The following NOS1AP variants were observed in gnomAD, a reference collection of about 807,000 sequenced individuals.
NOS1AP encodes nitric oxide synthase 1 adaptor protein, also known as carboxyl-terminal PDZ ligand of neuronal nitric oxide synthase protein.
A neutral mutation model predicts 56.2 loss-of-function variants in NOS1AP; 21 were observed. That is an observed-to-expected ratio of 0.37 (90% CI 0.26 to 0.54). The LOEUF (loss-of-function observed/expected upper bound fraction) is 0.54. Ranked by LOEUF, NOS1AP falls within the 20% of genes least tolerant of loss-of-function variation. NOS1AP has a pLI of 0.84. For synonymous variants in NOS1AP, 270 were observed against 274.6 expected, an observed-to-expected ratio of 0.98 and a Z score of 0.17; for missense variants, 522 against 657.8, an observed-to-expected ratio of 0.79 and a Z score of 2.26.
chr1:162,264,469 C>CCTCTCCTCTCCTCTCCTCTCCTGT (rs373124349), intron 2 of NOS1AP, among the ~76,000 whole-genome samples: 3 of 31,848 alleles, frequency 9.4e-5, no homozygotes, highest in African/African-American at 5.9e-4. Context: ...TCTTCTCCTC[C>CCTCTCCTCTCCTCTCCTCTCCTGT]CCTCCCCTCC....
intron 2 of NOS1AP, among the ~76,000 whole-genome samples, chr1:162,182,257 C>G (rs1408562650): frequency 2.0e-5 from 3 of 152,142 alleles, no homozygotes; most frequent in Non-Finnish European, 4.4e-5. Flanking sequence ...TGTCATTGAA[C>G]CTTATAATCG....
intron 2 of NOS1AP, among the ~76,000 whole-genome samples, chr1:162,190,483 T>C (rs1384706750): frequency 2.0e-5 from 3 of 152,216 alleles, no homozygotes; most frequent in African/African-American, 7.2e-5. Context: ...TTTATTTATT[T>C]TTAATTGACA....
chr1:162,297,410 G>A (rs1047381316), intron 3 of NOS1AP, among the ~76,000 whole-genome samples: 1 of 152,202 alleles, frequency 6.6e-6, no homozygotes, highest in African/African-American at 2.4e-5. Context: ...TGCTGAGGTG[G>A]GCCCTGGCCT....
At chr1:162,363,829 C>G (rs983674147) in intron 8 of NOS1AP, 1 of 985,328 alleles carries the variant, frequency 1.0e-6, no homozygotes, top group African/African-American at 1.7e-5. Flanking sequence ...AAAAATGAGT[C>G]TGACTTCTTG....
chr1:162,098,102 CTTTTT>C (rs35307081), intron 1 of NOS1AP, among the ~76,000 whole-genome samples: 2 of 80,586 alleles, frequency 2.5e-5, no homozygotes, highest in African/African-American at 1.0e-4. Context: ...CTCTCTTTTG[CTTTTT>C]TTTTTTTTTT....
chr1:162,093,808 C>G lies in NOS1AP; in HGVS notation c.105+23526C>G, dbSNP rs529161294. On this transcript the variant is annotated intron_variant, in intron 1 of 9. Transcript: ENST00000361897. Reference sequence around the variant, plus strand: ...GTCCAGGTGATCCTCCCACTTTGGCCTCCCAAAGTGTTGGGATTACAGGCA... The same window carrying G: ...GTCCAGGTGATCCTCCCACTTTGGCGTCCCAAAGTGTTGGGATTACAGGCA... 7.9e-5 allele frequency among the ~76,000 whole-genome samples: 12 copies of G among 152,272 alleles called. No homozygotes were observed. In the East Asian group the frequency reaches 2.3e-3, roughly 29 times the overall value.
chr1:162,193,832 T>A (rs1651719084), intron 2 of NOS1AP, among the ~76,000 whole-genome samples: 1 of 152,196 alleles, frequency 6.6e-6, no homozygotes, highest in Non-Finnish European at 1.5e-5. Flanking sequence ...AGTATTAGGT[T>A]CTGCTGCTCT....
chr1:162,213,172 C>T (rs1652430387), intron 2 of NOS1AP, among the ~76,000 whole-genome samples: 2 of 152,140 alleles, frequency 1.3e-5, no homozygotes, highest in African/African-American at 4.8e-5. Context: ...GGTACATTTC[C>T]TTAGGAAGGA....
At chr1:162,352,119 G>C (rs1657521544) in intron 6 of NOS1AP, among the ~76,000 whole-genome samples, 1 of 151,992 alleles carries the variant, frequency 6.6e-6, no homozygotes, top group Non-Finnish European at 1.5e-5. Flanking sequence ...GAGTGCAGTG[G>C]CATGATCTCA....
At chr1:162,133,194 A>C (rs1648829988) in intron 1 of NOS1AP, among the ~76,000 whole-genome samples, 1 of 152,208 alleles carries the variant, frequency 6.6e-6, no homozygotes, top group Non-Finnish European at 1.5e-5. Flanking sequence ...CTTGGGTTTA[A>C]TCTTTGAAAT....
chr1:162,176,145 G>A lies in NOS1AP; in HGVS notation c.177+21669G>A, dbSNP rs183150775. Among the ~76,000 whole-genome samples the A allele has an allele frequency of 2.1e-3, 316 of 152,174 alleles. 9 individuals are homozygous for A. Among genetic ancestry groups the A allele is most frequent in the Admixed American group, 0.018 (277 of 15,298 alleles). On this transcript the variant is annotated intron_variant, in intron 2 of 9. Coordinates refer to ENST00000361897, the MANE Select transcript of NOS1AP (RefSeq NM_014697.3). ...GGTCACATTTTACATTCCATCCTGGGATCCTTGGCCTCCCACTCAATGATT... is the reference window on the plus strand; with the variant it reads ...GGTCACATTTTACATTCCATCCTGGAATCCTTGGCCTCCCACTCAATGATT...
chr1:162,294,222 A>AGGAAGGAAGGAAG (rs1368335883), intron 3 of NOS1AP, among the ~76,000 whole-genome samples: 1 of 147,620 alleles, frequency 6.8e-6, no homozygotes, highest in Non-Finnish European at 1.5e-5. Flanking sequence ...GAAGGAAGGA[A>AGGAAGGAAGGAAG]GGAAGAAAGA....
chr1:162,347,110 G>A (rs531263657), intron 6 of NOS1AP, among the ~76,000 whole-genome samples: 1 of 152,304 alleles, frequency 6.6e-6, no homozygotes, highest in Middle Eastern at 3.4e-3. Flanking sequence ...CAGACCTCTA[G>A]CTGGTTGCTT....
chr1:162,070,333 T>C (rs1433868984), intron 1 of NOS1AP, 51 bp downstream of exon 1: 4 of 1,479,570 alleles, frequency 2.7e-6, no homozygotes, highest in Non-Finnish European at 3.8e-6. Context: ...TGGGGGGGCA[T>C]GTTTGAGCGG....
intron 4 of NOS1AP, among the ~76,000 whole-genome samples, chr1:162,314,051 G>C (rs1344107548): frequency 6.6e-6 from 1 of 152,128 alleles, no homozygotes; most frequent in African/African-American, 2.4e-5. Context: ...GACAAAGCTG[G>C]GGCAGCCTTG....
At chr1:162,333,187 A>C in intron 5 of NOS1AP, 62 bp downstream of exon 5, 1 of 1,125,594 alleles carries the variant, frequency 8.9e-7, no homozygotes, top group Non-Finnish European at 1.3e-6. Flanking sequence ...CACCCCCAAC[A>C]TTGGCCCGTC....
chr1:162,099,333 G>A lies in NOS1AP; in HGVS notation c.105+29051G>A, dbSNP rs145070345. Among the ~76,000 whole-genome samples, 559 of 152,090 alleles carry A rather than the reference G, an allele frequency of 3.7e-3. 6 individuals carry two copies. Among genetic ancestry groups the A allele is most frequent in the African/African-American group, 0.013 (533 of 41,492 alleles). Reference sequence around the variant, plus strand: ...CTCCTGAGTAGCTGGGACTACAGGCGCCTGTCACTACGCCAGTCTAATTTT... The same window carrying A: ...CTCCTGAGTAGCTGGGACTACAGGCACCTGTCACTACGCCAGTCTAATTTT... On this transcript the variant is annotated intron_variant, in intron 1 of 9. Transcript: ENST00000361897.
intron 2 of NOS1AP, among the ~76,000 whole-genome samples, chr1:162,226,607 G>A (rs1247594755): frequency 1.3e-5 from 2 of 152,170 alleles, no homozygotes; most frequent in African/African-American, 4.8e-5. Flanking sequence ...GATTTAATTT[G>A]GGGGCATCAG....
At chr1:162,272,303 C>T (rs921887666) in intron 2 of NOS1AP, among the ~76,000 whole-genome samples, 3 of 152,174 alleles carry the variant, frequency 2.0e-5, no homozygotes, top group Non-Finnish European at 4.4e-5. Context: ...CCACAACAAC[C>T]TCCTTTATCA....
Sources: gnomAD v4.1 joint callset for allele counts (sites outside exome capture counted in the v4.1 genomes callset) on GRCh38, gnomAD v4.1.1 for gene constraint, MANE v1.5 for transcripts, NCBI Gene and HGNC (gene_info 2026-07-23, HGNC 2026-07-21) for gene names.